Variants in PTPRS observed in about 807,000 individuals in gnomAD.
PTPRS encodes protein tyrosine phosphatase receptor type S, also known as receptor-type tyrosine-protein phosphatase S.
A neutral mutation model predicts 215.3 loss-of-function variants in PTPRS; 63 were observed. The ratio of observed to expected loss-of-function variants is 0.29; its 90% CI spans 0.24 to 0.36. The LOEUF (loss-of-function observed/expected upper bound fraction) is 0.36. Among genes scored for constraint, PTPRS ranks in the 10% least tolerant of loss-of-function variants. PTPRS has a pLI of 1.00. For missense variants in PTPRS, 2,258 were observed against 2,825.8 expected, an observed-to-expected ratio of 0.80 and a Z score of 4.56; for synonymous variants, 1,404 against 1,191.4, an observed-to-expected ratio of 1.18 and a Z score of -3.68.
In PTPRS at chr19:5,258,008, G is replaced by A. The variant is rs373183698; in HGVS notation, c.706+9C>T. ...TCCCTGCCTTTGACCTGGACGCGGC[G>A]TTCCCTACCTCGCACGTAGAGGTTG... On this transcript the variant is annotated intron_variant, in intron 8 of 37. Transcript: ENST00000262963. The A allele has an allele frequency of 1.4e-5, 23 of 1,610,906 alleles. No homozygotes were observed. Among genetic ancestry groups the A allele is most frequent in the Admixed American group, 8.3e-5 (5 of 59,964 alleles).
intron 2 of PTPRS, among the ~76,000 whole-genome samples, chr19:5,274,678 C>T (rs1253618437): frequency 6.6e-6 from 1 of 150,662 alleles, no homozygotes; most frequent in Non-Finnish European, 1.5e-5. Flanking sequence ...GACACAGTGC[C>T]ACTGGGAAAG....
Position 5,212,446 on chromosome 19 carries a change from C to A in PTPRS, c.4660G>T (p.Ala1554Ser). 6.2e-7 allele frequency: 1 copy of A among 1,600,552 alleles called. No individual in the cohort carries two copies. The highest frequency in any genetic ancestry group is 8.5e-7 in the Non-Finnish European group (1 of 1,173,494). Reference sequence around the variant, plus strand: ...TCGGGCACGCCATGGTCCGGCCACGCCGTAAACTGGAACTGGCGGACCTCG... The same window carrying A: ...TCGGGCACGCCATGGTCCGGCCACGACGTAAACTGGAACTGGCGGACCTCG... ...KREVRQFQFT[A>S]WPDHGVPEYP... Residue 1554 changes from alanine (A) to serine (S), a missense_variant, in exon 31 of 38, where the codon GCG (alanine) becomes TCG (serine). Physicochemically the swap from Ala to Ser is moderately conservative, Grantham distance 99. Transcript: ENST00000262963.
Position 5,292,267 on chromosome 19 carries a change from G to A in PTPRS, c.-94-6033C>T, listed in dbSNP as rs530332347. Among the ~76,000 whole-genome samples, 31 of 152,320 alleles carry A rather than the reference G, an allele frequency of 2.0e-4. 1 individual carries two copies. Among genetic ancestry groups the A allele is most frequent in the African/African-American group, 7.5e-4 (31 of 41,580 alleles). Reference sequence around the variant, plus strand: ...TCCCTGGCGTCACCTGGGTTTCAGAGGTAGAAACTGAGACCATAGACAGAG... The same window carrying A: ...TCCCTGGCGTCACCTGGGTTTCAGAAGTAGAAACTGAGACCATAGACAGAG... On this transcript the variant is annotated intron_variant, in intron 1 of 37. Transcript: ENST00000262963.
At position 5,214,446 on chromosome 19, in the gene PTPRS, G is replaced by A. The variant is rs147152459; in HGVS notation, c.4529C>T (p.Thr1510Met). 1.4e-4 allele frequency: 224 copies of A among 1,614,160 alleles called. No homozygotes were observed. The highest frequency in any genetic ancestry group is 1.7e-4 in the Non-Finnish European group (199 of 1,180,034). Reference protein sequence around the residue: ...KCDQYWPNRGTETYGFIQVTL... With the variant: ...KCDQYWPNRGMETYGFIQVTL... The stretch of plus-strand genomic sequence containing the variant: ...GACCTGGATGAAGCCGTAGGTCTCC[G>A]TGCCTCTGTTGGGCCAATACTGATC... The change falls in exon 30 of 38, where the codon ACG becomes ATG. Residue 1510 changes from threonine (T) to methionine (M), a missense_variant. Physicochemically the swap from Thr to Met is moderately conservative, Grantham distance 81. Around this residue, in one of 6 missense-constraint regions of PTPRS, gnomAD observed 927 missense variants for 1,125.9 expected, o/e 0.82. Coordinates refer to ENST00000262963, the MANE Select transcript of PTPRS (RefSeq NM_002850.4).
intron 1 of PTPRS, among the ~76,000 whole-genome samples, chr19:5,336,902 A>T (rs1345035024): frequency 6.6e-6 from 1 of 152,176 alleles, no homozygotes; most frequent in Non-Finnish European, 1.5e-5. Context: ...GCTTTGCCCG[A>T]GAAGGGTTCT....
intron 1 of PTPRS, among the ~76,000 whole-genome samples, chr19:5,301,156 C>T (rs1359953788): frequency 3.3e-5 from 5 of 152,174 alleles, no homozygotes; most frequent in African/African-American, 7.2e-5. Context: ...AGGCCACAGC[C>T]GGAGTCAGCT....
chr19:5,239,163 GGGAGAGA>G, intron 12 of PTPRS, 100 bp from the exon 13 acceptor site: 1 of 571,188 alleles, frequency 1.8e-6, no homozygotes, highest in Non-Finnish European at 2.8e-6. Context: ...AGGGGGGAGG[GGGAGAGA>G]GAGAGAGAGA....
In PTPRS at chr19:5,218,430, G is replaced by T. The variant is rs1469185026; in HGVS notation, c.4038C>A (p.Phe1346Leu). ...GGGATAAGTACATACCTGGAGTCTG[G>T]AAGTTAATGCGTCTCATTTCCACAG... ...KDPVEMRRINFQTPDSGLRSP... is the reference protein window; with the variant it reads ...KDPVEMRRINLQTPDSGLRSP... The change falls in exon 25 of 38, where the codon TTC becomes TTA. Residue 1346 changes from phenylalanine to leucine, a missense_variant. Phe to Leu is a conservative substitution (Grantham distance 22). Transcript: ENST00000262963. The T allele has an allele frequency of 6.2e-7, 1 of 1,613,628 alleles. No homozygotes were observed. The highest frequency in any genetic ancestry group is 8.5e-7 in the Non-Finnish European group (1 of 1,179,880).
chr19:5,229,335 G>A lies in PTPRS; in HGVS notation c.2357C>T (p.Thr786Met), dbSNP rs761681941. The A allele has an allele frequency of 1.4e-6, 2 of 1,383,124 alleles. No individual in the cohort carries two copies. Among genetic ancestry groups the A allele is most frequent in the Non-Finnish European group, 1.9e-6 (2 of 1,063,776 alleles). The allele number at this position is 1,383,124 out of a possible 1,614,324, so 85.7% of individuals were successfully genotyped here. A position where few individuals can be genotyped will look rare whatever the true frequency, so the allele number is the denominator to read the frequency against. The part of the protein sequence containing the change: ...DVMLADAQWE[T>M]DDTAEYEMVI... ...ACTTACATATTCGGCCGTGTCATCC[G>A]TCTCCCACTGAGCGCGGGAGGAGGC... Residue 786 changes from threonine to methionine, a missense_variant, in exon 16 of 38, where the codon ACG becomes ATG. Coordinates refer to ENST00000262963, the MANE Select transcript of PTPRS (RefSeq NM_002850.4).
At chr19:5,267,654 CAAA>C (rs5826877) in intron 4 of PTPRS, among the ~76,000 whole-genome samples, 7 of 122,714 alleles carry the variant, frequency 5.7e-5, no homozygotes, top group African/African-American at 9.9e-5. Flanking sequence ...AAGACTGTCT[CAAA>C]AAAAAAAAAA....
chr19:5,252,594 A>G (rs1192548391), intron 9 of PTPRS, among the ~76,000 whole-genome samples: 12 of 149,246 alleles, frequency 8.0e-5, no homozygotes, highest in Non-Finnish European at 1.5e-4. Flanking sequence ...AAAAAAAAAA[A>G]AAAGGCCGAG....
At chr19:5,260,773 G>GT (rs775371402) in intron 7 of PTPRS, 32 bp downstream of exon 7, 195 of 1,613,062 alleles carry the variant, frequency 1.2e-4, no homozygotes, top group Admixed American at 1.7e-5. Context: ...AAGAGCGAGC[G>GT]TGAGTGGGTG....
intron 1 of PTPRS, among the ~76,000 whole-genome samples, chr19:5,290,831 G>A (rs370465210): frequency 5.3e-5 from 8 of 151,984 alleles, no homozygotes; most frequent in African/African-American, 1.9e-4. Context: ...GCTCTCCCGT[G>A]CCACCGCCTG....
At chr19:5,233,859 T>TCC (rs2043208080) in intron 13 of PTPRS, among the ~76,000 whole-genome samples, 1 of 136,194 alleles carries the variant, frequency 7.3e-6, no homozygotes, top group Non-Finnish European at 1.5e-5. Flanking sequence ...GGCAGGAGAA[T>TCC]CACTTGAACC....
At position 5,244,493 on chromosome 19, in the gene PTPRS, G is replaced by A. The variant is rs769552257; in HGVS notation, c.989-11C>T. 6.2e-7 allele frequency: 1 copy of A among 1,609,436 alleles called. No homozygotes were observed. The highest frequency in any genetic ancestry group is 2.2e-5 in the East Asian group (1 of 44,852). On this transcript the variant is annotated splice_polypyrimidine_tract_variant and intron_variant, in intron 10 of 37. Transcript: ENST00000262963. The surrounding 1 kb of genome is among the most constrained non-coding windows in gnomAD (Gnocchi z 7.2). ...GAGCTTTGGGGAGAGCTGTGGGCAG[G>A]AGGCAGCTGTGTCACGCATTGGGCA...
intron 4 of PTPRS, among the ~76,000 whole-genome samples, chr19:5,268,195 T>A (rs56194965): frequency 0.049 from 7,058 of 143,774 alleles, 204 homozygotes; most frequent in African/African-American, 0.089. Flanking sequence ...ATAAATTAAT[T>A]AATTAATTAA....
intron 1 of PTPRS, among the ~76,000 whole-genome samples, chr19:5,333,814 G>A (rs2050405600): frequency 6.6e-6 from 1 of 152,200 alleles, no homozygotes; most frequent in South Asian, 2.1e-4. Flanking sequence ...TTCCTTAGCA[G>A]CAGGTTTCCA....
In PTPRS at chr19:5,208,128, C is replaced by T. The variant is rs533919040; in HGVS notation, c.5643-71G>A. On this transcript the variant is annotated intron_variant, in intron 36 of 37. Coordinates refer to ENST00000262963, the MANE Select transcript of PTPRS (RefSeq NM_002850.4). ...GGAGCCCTGATCTGACCACCCGATT[C>T]CCCGAGGACTCTAACAGCCCAGATG... is the stretch of plus-strand genomic sequence containing the variant. The T allele has an allele frequency of 1.4e-4, 223 of 1,578,774 alleles. 2 individuals carry two copies. In the South Asian group the frequency reaches 2.4e-3, roughly 17 times the overall value.
chr19:5,229,910 C>CCA (rs1555761318), intron 14 of PTPRS, among the ~76,000 whole-genome samples: 1 of 151,940 alleles, frequency 6.6e-6, no homozygotes, highest in Non-Finnish European at 1.5e-5. Context: ...AGGCTGCCCC[C>CCA]CCCCGAGTCT....
Sources: gnomAD v4.1 joint callset for allele counts (sites outside exome capture counted in the v4.1 genomes callset) on GRCh38, gnomAD v4.1.1 for gene constraint, gnomAD v4.1.1 regional missense constraint, Gnocchi (gnomAD v3.1) non-coding constraint, MANE v1.5 for transcripts, NCBI Gene and HGNC (gene_info 2026-07-23, HGNC 2026-07-21) for gene names.